Variants in COX4I1 observed in about 807,000 individuals in gnomAD.
The protein encoded by COX4I1 is cytochrome c oxidase subunit 4 isoform 1, mitochondrial.
Under a neutral mutation model 21.7 loss-of-function variants are expected in COX4I1, and 18 were observed. The observed-to-expected ratio is 0.83, with a 90% confidence interval of 0.57 to 1.23. The LOEUF (loss-of-function observed/expected upper bound fraction) is 1.23, where lower values mean the gene tolerates loss of function less well. COX4I1 is among the 50% of genes most tolerant of loss of function. The pLI, the probability that COX4I1 is intolerant of heterozygous loss-of-function variation, is 0.00. For synonymous variants in COX4I1, 100 were observed against 81.5 expected (o/e 1.23, Z -1.23); for missense variants, 238 against 220.7 (o/e 1.08, Z -0.50).
intron 3 of COX4I1, 33 bp from the exon 4 acceptor site, chr16:85,805,700 G>C: frequency 6.2e-7 from 1 of 1,610,748 alleles, no homozygotes; most frequent in Non-Finnish European, 8.5e-7. Flanking sequence ...GCTGACCTTT[G>C]TGCCTGTAAA....
intron 2 of COX4I1, among the ~76,000 whole-genome samples, chr16:85,802,411 G>A (rs79385561): frequency 0.016 from 2,457 of 152,326 alleles, 63 homozygotes; most frequent in African/African-American, 0.05. Flanking sequence ...TGAGGCCAGG[G>A]AGCCTGCCTG....
Position 85,805,068 on chromosome 16 carries a change from T to G in COX4I1, c.205T>G (p.Ser69Ala), listed in dbSNP as rs1182164590. The G allele has an allele frequency of 1.9e-6, 3 of 1,613,872 alleles. No homozygotes were observed. Among genetic ancestry groups the G allele is most frequent in the Non-Finnish European group, 2.5e-6 (3 of 1,179,928 alleles). The change falls in exon 3 of 5, where the codon TCC (serine) becomes GCC (alanine). Residue 69 changes from serine to alanine, a missense_variant. Ser to Ala is a moderately conservative substitution (Grantham distance 99, BLOSUM62 1). Coordinates refer to ENST00000253452, the MANE Select transcript of COX4I1 (RefSeq NM_001861.6). The stretch of plus-strand genomic sequence containing the variant: ...GGCATTGAAGGAGAAGGAGAAGGCC[T>G]CCTGGAGCAGCCTCTCCATGGATGA... ...QKALKEKEKA[S>A]WSSLSMDEKV...
intron 2 of COX4I1, among the ~76,000 whole-genome samples, chr16:85,802,387 G>C (rs1289931482): frequency 2.6e-5 from 4 of 152,216 alleles, no homozygotes; most frequent in Admixed American, 6.5e-5. Context: ...CAGCCTCTTA[G>C]AGTGTAAGCC....
At position 85,801,409 on chromosome 16, in the gene COX4I1, T is replaced by C; in HGVS notation, c.73+131T>C. The C allele has an allele frequency of 1.1e-5, 7 of 644,154 alleles. No individual in the cohort carries two copies. In the South Asian group the frequency reaches 1.7e-4, roughly 16 times the overall value. 39.9% of individuals were successfully genotyped at this position (644,154 alleles called of 1,614,324 possible). A position where few individuals can be genotyped will look rare whatever the true frequency, so the allele number is the denominator to read the frequency against. On this transcript the variant is annotated intron_variant, in intron 2 of 4. Coordinates refer to ENST00000253452, the MANE Select transcript of COX4I1 (RefSeq NM_001861.6). ...TGAGGGTCTTTAGGGGAGATATAAA[T>C]GTTCTCACAGGGCTTGGTTCTAGAT...
At chr16:85,804,747 T>C (rs935318403) in intron 2 of COX4I1, 190 bp from the exon 3 acceptor site, 10 of 530,628 alleles carry the variant, frequency 1.9e-5, no homozygotes, top group African/African-American at 1.7e-4. Context: ...TTTTGTTGGC[T>C]GTGATGAGAA....
At chr16:85,803,781 G>T (rs1171937358) in intron 2 of COX4I1, 1 of 152,198 alleles carries the variant, frequency 6.6e-6, no homozygotes, top group Non-Finnish European at 1.5e-5. Context: ...AAGGAGAAGC[G>T]CACGATACTG....
In COX4I1 at chr16:85,804,915, AT is replaced by A. The variant is rs1906049983; in HGVS notation, c.74-19del. The A allele has an allele frequency of 3.1e-6, 5 of 1,590,492 alleles. No homozygotes were observed. The East Asian group carries it at 1.1e-4, about 36-fold the overall frequency. ...TCTCAACTTACATGGATTTTCAAAG[AT>A]TTATTCAATATGTTTTTCAGAAAGT... On this transcript the variant is annotated intron_variant, in intron 2 of 4. Transcript: ENST00000253452.
chr16:85,806,264 C>T (rs1422684771), intron 4 of COX4I1: 1 of 597,552 alleles, frequency 1.7e-6, no homozygotes, highest in African/African-American at 1.9e-5. Context: ...CAGCCAGCAT[C>T]TGGGGGTCCC....
chr16:85,806,694 A>C (rs775177240), intron 4 of COX4I1, 44 bp from the exon 5 acceptor site: 6 of 1,613,860 alleles, frequency 3.7e-6, no homozygotes, highest in Non-Finnish European at 4.2e-6. Context: ...CCTAGAAACA[A>C]CCTGTTGAGA....
intron 2 of COX4I1, 75 bp downstream of exon 2, chr16:85,801,353 G>A: frequency 7.4e-7 from 1 of 1,350,914 alleles, no homozygotes; most frequent in Non-Finnish European, 1.0e-6. Context: ...AAAGCCCTGT[G>A]CTGGAGTTTT....
rs991613206 is a variant in COX4I1 at position 85,805,200 on chromosome 16, C to G, written c.241+96C>G. 5.5e-5 allele frequency: 50 copies of G among 912,844 alleles called. 1 individual carries two copies. In the East Asian group the frequency reaches 1.3e-3, roughly 24 times the overall value. 56.5% of individuals were successfully genotyped at this position (912,844 alleles called of 1,614,324 possible). On this transcript the variant is annotated intron_variant, in intron 3 of 4. Transcript: ENST00000253452. Reference sequence around the variant, plus strand: ...CACTTCTGGGCCTACTGTCTAGAGGCAGTCTTGCACAGGAGGGTTGCTCTG... The same window carrying G: ...CACTTCTGGGCCTACTGTCTAGAGGGAGTCTTGCACAGGAGGGTTGCTCTG...
At chr16:85,802,618 G>C (rs74895046) in intron 2 of COX4I1, among the ~76,000 whole-genome samples, 2,355 of 152,334 alleles carry the variant, frequency 0.015, 61 homozygotes, top group African/African-American at 0.05. Context: ...ATATTTGTGT[G>C]GTGATGCACC....
chr16:85,806,826 G>C lies in COX4I1; in HGVS notation c.462G>C (p.Gln154His). The C allele has an allele frequency of 1.9e-6, 3 of 1,614,230 alleles. No homozygotes were observed. The highest frequency in any genetic ancestry group is 2.5e-6 in the Non-Finnish European group (3 of 1,180,038). ...RMLDMKVNPI[Q>H]GLASKWDYEK... ...TGGACATGAAGGTGAACCCCATCCA[G>C]GGCTTAGCCTCCAAGTGGGACTACG... The change falls in exon 5 of 5, where the codon CAG (glutamine) becomes CAC (histidine). Residue 154 changes from glutamine to histidine, a missense_variant. Transcript: ENST00000253452.
Position 85,804,981 on chromosome 16 carries a change from G to T in COX4I1, c.118G>T (p.Asp40Tyr). ...SEDFSLPAYMDRRDHPLPEVA... is the reference protein window; with the variant it reads ...SEDFSLPAYMYRRDHPLPEVA... ...AGACTTTTCGCTCCCAGCTTATATG[G>T]ATCGGCGTGACCACCCCTTGCCGGA... Residue 40 changes from aspartate to tyrosine, a missense_variant, in exon 3 of 5, where the codon GAT becomes TAT. By Grantham distance (160) the Asp-to-Tyr change is radical. Transcript: ENST00000253452. 6.2e-7 allele frequency: 1 copy of T among 1,614,106 alleles called. No individual in the cohort carries two copies. The highest frequency in any genetic ancestry group is 1.3e-5 in the African/African-American group (1 of 75,044).
intron 2 of COX4I1, 96 bp from the exon 3 acceptor site, chr16:85,804,841 C>A: frequency 9.3e-7 from 1 of 1,079,442 alleles, no homozygotes; most frequent in Non-Finnish European, 1.3e-6. Flanking sequence ...GGTTTCAAGG[C>A]GTGCACATGT....
Position 85,804,931 on chromosome 16 carries a change from T to C in COX4I1, c.74-6T>C. ...TTTTCAAAGATTTATTCAATATGTT[T>C]TTCAGAAAGTGTTGTGAAGAGCGAA... On this transcript the variant is annotated splice_polypyrimidine_tract_variant and splice_region_variant and intron_variant, in intron 2 of 4. Coordinates refer to ENST00000253452, the MANE Select transcript of COX4I1 (RefSeq NM_001861.6). The C allele has an allele frequency of 6.3e-7, 1 of 1,598,502 alleles. No homozygotes were observed. Among genetic ancestry groups the C allele is most frequent in the Non-Finnish European group, 8.5e-7 (1 of 1,172,776 alleles).
Position 85,801,066 on chromosome 16 carries a change from G to C in COX4I1, c.-1-139G>C, listed in dbSNP as rs1351867546. 14 of 620,202 alleles carry C rather than the reference G, an allele frequency of 2.3e-5. No homozygotes were observed. In the Middle Eastern group the frequency reaches 7.8e-4, roughly 35 times the overall value. The allele number at this position is 620,202 out of a possible 1,614,324, so 38.4% of individuals were successfully genotyped here. A position where few individuals can be genotyped will look rare whatever the true frequency, so the allele number is the denominator to read the frequency against. ...CATCCTAGGTCATTTTGTGAATTCAGAGACAGTGATAAAGAATGGATCATT... is the reference window on the plus strand; with the variant it reads ...CATCCTAGGTCATTTTGTGAATTCACAGACAGTGATAAAGAATGGATCATT... On this transcript the variant is annotated intron_variant, in intron 1 of 4. Coordinates refer to ENST00000253452, the MANE Select transcript of COX4I1 (RefSeq NM_001861.6).
At chr16:85,802,217 C>T (rs999529645) in intron 2 of COX4I1, among the ~76,000 whole-genome samples, 3 of 152,318 alleles carry the variant, frequency 2.0e-5, no homozygotes, top group East Asian at 3.9e-4. Context: ...TGTGGGTGGT[C>T]GCTCCTGTCT....
chr16:85,804,827 C>T (rs746636598), intron 2 of COX4I1, 110 bp from the exon 3 acceptor site: 5 of 922,698 alleles, frequency 5.4e-6, no homozygotes, highest in Non-Finnish European at 8.2e-6. Context: ...CTGAGATGAT[C>T]CAGGGTTTCA....
Sources: allele counts gnomAD v4.1 joint callset (sites outside exome capture counted in the v4.1 genomes callset), GRCh38; gene constraint gnomAD v4.1.1; transcripts MANE v1.5; gene names NCBI Gene and HGNC (gene_info 2026-07-23, HGNC 2026-07-21).